Variants in EXD3 observed in about 807,000 individuals in gnomAD.
EXD3 encodes the protein exonuclease mut-7 homolog.
A neutral mutation model predicts 98.0 loss-of-function variants in EXD3; 92 were observed. That is an observed-to-expected ratio of 0.94 (90% CI 0.79 to 1.12). EXD3 has a LOEUF of 1.12. Among genes scored for constraint, EXD3 ranks in the 50% most tolerant of loss-of-function variants. The pLI is 0.00. For missense variants in EXD3, 1,222 were observed against 1,191.6 expected (o/e 1.03, Z -0.38); for synonymous variants, 569 against 526.0 (o/e 1.08, Z -1.12).
At chr9:137,356,484 A>C in intron 7 of EXD3, 116 bp from the exon 8 acceptor site, 1 of 718,492 alleles carries the variant, frequency 1.4e-6, no homozygotes, top group Non-Finnish European at 2.3e-6. Flanking sequence ...GAGGTTTATA[A>C]GAAAATGCAG....
At chr9:137,314,888 G>GC (rs1459478440) in intron 19 of EXD3, among the ~76,000 whole-genome samples, 1 of 152,224 alleles carries the variant, frequency 6.6e-6, no homozygotes, top group Admixed American at 6.5e-5. Flanking sequence ...GCACACGTGC[G>GC]CAACAGCCAG....
chr9:137,324,220 C>T lies in EXD3; in HGVS notation c.1999-77G>A, dbSNP rs931890939. 2.0e-5 allele frequency: 26 copies of T among 1,285,702 alleles called. No individual in the cohort carries two copies. Among genetic ancestry groups the T allele is most frequent in the Non-Finnish European group, 2.6e-5 (24 of 914,360 alleles). 79.6% of individuals were successfully genotyped at this position (1,285,702 alleles called of 1,614,324 possible). A position where few individuals can be genotyped will look rare whatever the true frequency, so the allele number is the denominator to read the frequency against. On this transcript the variant is annotated intron_variant, in intron 17 of 21. Coordinates refer to ENST00000340951, the MANE Select transcript of EXD3 (RefSeq NM_017820.5). The surrounding 1 kb of genome is among the most constrained non-coding windows in gnomAD (Gnocchi z 4.1). ...ACTGGGCCACCTCTGCTCGCCACCC[C>T]CTAGCTCCCCGGATCGTGGCCCTGC... is the stretch of plus-strand genomic sequence containing the variant.
intron 17 of EXD3, among the ~76,000 whole-genome samples, chr9:137,345,287 T>C (rs1317268646): frequency 2.6e-5 from 4 of 152,370 alleles, no homozygotes; most frequent in South Asian, 4.1e-4. Flanking sequence ...TTGAAAGGTA[T>C]GGAAAATGAA....
chr9:137,355,106 G>A (rs1485944602), intron 8 of EXD3, among the ~76,000 whole-genome samples: 1 of 152,198 alleles, frequency 6.6e-6, no homozygotes, highest in African/African-American at 2.4e-5. Flanking sequence ...TCACTGGCAC[G>A]TGGAACCCTC....
intron 1 of EXD3, among the ~76,000 whole-genome samples, chr9:137,416,282 C>T (rs1236014213): frequency 4.6e-5 from 7 of 152,180 alleles, no homozygotes; most frequent in Non-Finnish European, 7.4e-5. Flanking sequence ...CTCAGCAGCC[C>T]GAGGTTCCCA....
chr9:137,389,455 G>A (rs1836778601), intron 2 of EXD3, among the ~76,000 whole-genome samples: 1 of 152,202 alleles, frequency 6.6e-6, no homozygotes, highest in African/African-American at 2.4e-5. Flanking sequence ...CGAGGGCCTT[G>A]GAGACAGAAC....
At chr9:137,368,448 G>A (rs1372260489) in intron 5 of EXD3, among the ~76,000 whole-genome samples, 4 of 152,220 alleles carry the variant, frequency 2.6e-5, no homozygotes, top group Non-Finnish European at 4.4e-5. Context: ...CGCATCCTGA[G>A]GCCTGGGGGG....
At chr9:137,372,412 C>T (rs1478457471) in intron 5 of EXD3, among the ~76,000 whole-genome samples, 8 of 152,342 alleles carry the variant, frequency 5.3e-5, no homozygotes, top group East Asian at 1.9e-4. Flanking sequence ...CTCTTCTGCT[C>T]GGCCCCTCTG....
chr9:137,356,792 C>T (rs149997751), intron 7 of EXD3, among the ~76,000 whole-genome samples: 1 of 152,332 alleles, frequency 6.6e-6, no homozygotes. Flanking sequence ...TCTGTTGTTT[C>T]TCAGTTACCC....
intron 3 of EXD3, chr9:137,377,301 TTAGCCAGCATAGTGGAGCCTG>T (rs1178946391): frequency 6.6e-6 from 1 of 151,978 alleles, no homozygotes; most frequent in Non-Finnish European, 1.5e-5. Context: ...ATACAAAAAA[TTAGCCAGCATAGTGGAGCCTG>T]TAGTCCCAGC....
At chr9:137,397,779 CA>C (rs34501395) in intron 1 of EXD3, among the ~76,000 whole-genome samples, 1 of 151,884 alleles carries the variant, frequency 6.6e-6, no homozygotes, top group Non-Finnish European at 1.5e-5. Context: ...TCAAACTGTA[CA>C]AAAAAATTAA....
intron 13 of EXD3, 75 bp downstream of exon 13, chr9:137,351,243 C>A: frequency 1.3e-6 from 2 of 1,541,668 alleles, no homozygotes; most frequent in Non-Finnish European, 8.8e-7. Flanking sequence ...CCGGGGCACA[C>A]GGAGGGAAGG....
At chr9:137,327,533 A>G (rs1832497556) in intron 17 of EXD3, among the ~76,000 whole-genome samples, 1 of 152,196 alleles carries the variant, frequency 6.6e-6, no homozygotes, top group South Asian at 2.1e-4. Context: ...GTACACTTAA[A>G]AATGGTTAAA....
At chr9:137,369,583 G>T (rs1236867232) in intron 5 of EXD3, among the ~76,000 whole-genome samples, 1 of 151,066 alleles carries the variant, frequency 6.6e-6, no homozygotes, top group Non-Finnish European at 1.5e-5. Context: ...GGTGGCCAGG[G>T]CCTTCCCTCA....
In EXD3 at chr9:137,405,676, T is replaced by C. The variant is rs1837681642; in HGVS notation, c.-47-10272A>G. Among the ~76,000 whole-genome samples, 1 of 152,264 alleles carries C rather than the reference T, an allele frequency of 6.6e-6. No individual in the cohort carries two copies. Among genetic ancestry groups the C allele is most frequent in the Non-Finnish European group, 1.5e-5 (1 of 68,044 alleles). ...TTGGTTTCCTCCCTGGATCTTCTGC[T>C]GAAAGCACATTTGATTTTCTTACAT... On this transcript the variant is annotated intron_variant, in intron 1 of 21. Coordinates refer to ENST00000340951, the MANE Select transcript of EXD3 (RefSeq NM_017820.5). The surrounding 1 kb of genome is among the most constrained non-coding windows in gnomAD (Gnocchi z 4.1).
intron 7 of EXD3, among the ~76,000 whole-genome samples, chr9:137,359,027 A>T (rs1207428978): frequency 6.8e-6 from 1 of 145,994 alleles, no homozygotes; most frequent in Non-Finnish European, 1.5e-5. Flanking sequence ...GCTCACTGCA[A>T]GCTCCGCCTC....
chr9:137,394,117 C>T (rs1240849962), intron 2 of EXD3, among the ~76,000 whole-genome samples: 1 of 151,712 alleles, frequency 6.6e-6, no homozygotes, highest in Non-Finnish European at 1.5e-5. Flanking sequence ...CCAGCCGCCG[C>T]TTCCCTAACC....
intron 2 of EXD3, among the ~76,000 whole-genome samples, chr9:137,387,736 A>G (rs985737698): frequency 1.3e-5 from 2 of 152,038 alleles, no homozygotes; most frequent in Admixed American, 6.5e-5. Context: ...GACCTCCCAG[A>G]CCCGCTCTCC....
chr9:137,389,192 G>A (rs1836765031), intron 2 of EXD3, among the ~76,000 whole-genome samples: 1 of 152,194 alleles, frequency 6.6e-6, no homozygotes, highest in African/African-American at 2.4e-5. Flanking sequence ...AGGCAGGGCG[G>A]GGGACGTGAT....
Sources: allele counts gnomAD v4.1 joint callset (sites outside exome capture counted in the v4.1 genomes callset), GRCh38; gene constraint gnomAD v4.1.1; non-coding constraint Gnocchi (gnomAD v3.1); transcripts MANE v1.5; gene names NCBI Gene and HGNC (gene_info 2026-07-23, HGNC 2026-07-21).